NCKAP5: variants seen among roughly 807,000 people sequenced by gnomAD.
NCKAP5 encodes nck-associated protein 5.
In NCKAP5, 92 loss-of-function variants were observed where a neutral mutation model predicts 167.0. The ratio of observed to expected loss-of-function variants is 0.55; its 90% CI spans 0.47 to 0.66. NCKAP5 has a LOEUF of 0.66. Among genes scored for constraint, NCKAP5 ranks in the 30% least tolerant of loss-of-function variants. The pLI is 0.00. For synonymous variants in NCKAP5, 891 were observed against 877.4 expected (o/e 1.02, Z -0.27); for missense variants, 2,378 against 2,315.0 (o/e 1.03, Z -0.56).
In NCKAP5 at chr2:133,254,625, G is replaced by A. The variant is rs140142005; in HGVS notation, c.144-40846C>T. Among the ~76,000 whole-genome samples the A allele has an allele frequency of 6.3e-4, 96 of 152,208 alleles. No individual in the cohort carries two copies. The East Asian group carries it at 0.014, about 22-fold the overall frequency. ...CATCTGATCCTTTACTATGGGTTTC[G>A]TCCTTCACATACATAATCTAATTTA... On this transcript the variant is annotated intron_variant, in intron 4 of 19. Coordinates refer to ENST00000409261, the MANE Select transcript of NCKAP5 (RefSeq NM_207363.3).
At position 132,781,138 on chromosome 2, in the gene NCKAP5, G is replaced by C. The variant is rs2105016815; in HGVS notation, c.4963C>G (p.Leu1655Val). The change falls in exon 15 of 20, where the codon CTC becomes GTC. Residue 1655 changes from leucine to valine, a missense_variant. This residue lies in a region of NCKAP5 where 1,325 missense variants were observed against 1,274.5 expected (regional missense o/e 1.04). Coordinates refer to ENST00000409261, the MANE Select transcript of NCKAP5 (RefSeq NM_207363.3). ...VLKGSSQGSC[L>V]IGSSISTQGN... ...TGAGTACTGATAGAGCTGCCGATGA[G>C]ACAGGAGCCCTGAGAACTGCCCTTT... 1 of 1,613,948 alleles carries C rather than the reference G, an allele frequency of 6.2e-7. No individual in the cohort carries two copies. The highest frequency in any genetic ancestry group is 8.5e-7 in the Non-Finnish European group (1 of 1,179,882).
rs1347978815 is a variant in NCKAP5 at position 133,549,742 on chromosome 2, A to T, written c.-62+9308T>A. 3.1e-4 allele frequency among the ~76,000 whole-genome samples: 46 copies of T among 146,644 alleles called. No homozygotes were observed. In the East Asian group the frequency reaches 5.7e-3, roughly 18 times the overall value. Reference sequence around the variant, plus strand: ...CTAGCAGAAGGCAAGAAATAACTAAAATCAGAGCAGAACTGAAGGAAATAG... The same window carrying T: ...CTAGCAGAAGGCAAGAAATAACTAATATCAGAGCAGAACTGAAGGAAATAG... On this transcript the variant is annotated intron_variant, in intron 2 of 19. Coordinates refer to ENST00000409261, the MANE Select transcript of NCKAP5 (RefSeq NM_207363.3).
At chr2:133,506,590 T>C (rs1468753357) in intron 3 of NCKAP5, among the ~76,000 whole-genome samples, 1 of 152,178 alleles carries the variant, frequency 6.6e-6, no homozygotes, top group Non-Finnish European at 1.5e-5. Context: ...CGGTTGGCCA[T>C]ATCCCTCCAC....
chr2:132,782,966 G>A lies in NCKAP5; in HGVS notation c.3845C>T (p.Ser1282Leu). 1 of 1,614,002 alleles carries A rather than the reference G, an allele frequency of 6.2e-7. No homozygotes were observed. Among genetic ancestry groups the A allele is most frequent in the East Asian group, 2.2e-5 (1 of 44,868 alleles). Residue 1282 changes from serine to leucine, a missense_variant, in exon 14 of 20, where the codon TCA (serine) becomes TTA (leucine). Ser to Leu is a moderately radical substitution (Grantham distance 145). This residue lies in a region of NCKAP5 where 1,325 missense variants were observed against 1,274.5 expected (regional missense o/e 1.04). Coordinates refer to ENST00000409261, the MANE Select transcript of NCKAP5 (RefSeq NM_207363.3). ...KARSHSFSTH[S>L]GDKPSTPPIE... ...GGGGGGCGTAGAAGGCTTGTCTCCT[G>A]AGTGTGTACTGAAGCTGTGGCTGCG... is the stretch of plus-strand genomic sequence containing the variant.
intron 6 of NCKAP5, among the ~76,000 whole-genome samples, chr2:133,100,291 A>C (rs956469989): frequency 2.6e-5 from 4 of 152,216 alleles, no homozygotes; most frequent in African/African-American, 9.6e-5. Context: ...ACTGATTATT[A>C]ATCACCTGAT....
At chr2:132,931,494 A>G (rs1406964590) in intron 8 of NCKAP5, 1 of 152,164 alleles carries the variant, frequency 6.6e-6, no homozygotes, top group East Asian at 1.9e-4. Context: ...TTTAAATTTA[A>G]CCTGGGTGAA....
At chr2:132,708,925 G>A (rs964295321) in intron 19 of NCKAP5, among the ~76,000 whole-genome samples, 64 of 152,022 alleles carry the variant, frequency 4.2e-4, no homozygotes, top group African/African-American at 1.5e-3. Context: ...TAATTTTCAA[G>A]GAATGTTAAT....
the NCKAP5 span, among the ~76,000 whole-genome samples, chr2:133,659,635 C>CG: frequency 6.6e-6 from 1 of 152,018 alleles, no homozygotes; most frequent in Admixed American, 6.6e-5. Context: ...TACTGGGATT[C>CG]GGGGGAGAAT....
rs2076583412 is a variant in NCKAP5 at position 132,963,702 on chromosome 2, A to T, written c.579+18T>A. The T allele has an allele frequency of 7.5e-6, 12 of 1,610,186 alleles. No homozygotes were observed. Among genetic ancestry groups the T allele is most frequent in the Non-Finnish European group, 8.5e-6 (10 of 1,178,808 alleles). On this transcript the variant is annotated intron_variant, in intron 8 of 19. Transcript: ENST00000409261. ...TGTTATTTTTCTTGAAGAGTGTAAAAATTGCTTCATTTCTTACCTCTAGAG... is the reference window on the plus strand; with the variant it reads ...TGTTATTTTTCTTGAAGAGTGTAAATATTGCTTCATTTCTTACCTCTAGAG...
chr2:133,278,434 C>T (rs2089816279), intron 4 of NCKAP5, among the ~76,000 whole-genome samples: 1 of 152,198 alleles, frequency 6.6e-6, no homozygotes, highest in East Asian at 1.9e-4. Flanking sequence ...TGTCTCTTAC[C>T]CTTTTCTGTA....
chr2:133,324,265 T>C (rs766086140), intron 3 of NCKAP5, among the ~76,000 whole-genome samples: 2 of 152,224 alleles, frequency 1.3e-5, no homozygotes, highest in African/African-American at 2.4e-5. Flanking sequence ...ACACCCCACA[T>C]TGAGAGGGCA....
intron 6 of NCKAP5, among the ~76,000 whole-genome samples, chr2:133,031,114 A>G (rs2078865263): frequency 6.6e-6 from 1 of 152,170 alleles, no homozygotes; most frequent in Admixed American, 6.5e-5. Flanking sequence ...ATACAGAAAA[A>G]AAAAACACCT....
At chr2:133,545,693 C>A (rs1469711503) in intron 2 of NCKAP5, among the ~76,000 whole-genome samples, 1 of 151,996 alleles carries the variant, frequency 6.6e-6, no homozygotes, top group African/African-American at 2.4e-5. Flanking sequence ...GCCTAAGAAA[C>A]AAAATTGAAA....
chr2:133,429,446 C>T (rs967459758), intron 3 of NCKAP5, among the ~76,000 whole-genome samples: 2 of 151,988 alleles, frequency 1.3e-5, no homozygotes, highest in Non-Finnish European at 2.9e-5. Context: ...TACAGTCCTT[C>T]CCCCTCTTCA....
intron 4 of NCKAP5, among the ~76,000 whole-genome samples, chr2:133,294,290 C>T (rs544582539): frequency 3.9e-5 from 6 of 152,252 alleles, no homozygotes; most frequent in South Asian, 2.1e-4. Context: ...GTTTAATACT[C>T]GGCGTCCCCT....
Position 132,673,334 on chromosome 2 carries a change from A to G in NCKAP5, c.5714-29T>C, listed in dbSNP as rs1319956464. On this transcript the variant is annotated intron_variant, in intron 19 of 19. Coordinates refer to ENST00000409261, the MANE Select transcript of NCKAP5 (RefSeq NM_207363.3). ...CAATAAAAAGAAGAAAATATTAGAA[A>G]CATATTTCTTTGGAAAATCAAGTTA... 1.2e-5 allele frequency: 17 copies of G among 1,400,760 alleles called. No individual in the cohort carries two copies. In the South Asian group the frequency reaches 2.1e-4, roughly 18 times the overall value. The allele number at this position is 1,400,760 out of a possible 1,614,324, so 86.8% of individuals were successfully genotyped here.
chr2:133,528,662 T>G (rs573182526), intron 2 of NCKAP5, among the ~76,000 whole-genome samples: 28 of 152,360 alleles, frequency 1.8e-4, no homozygotes, highest in African/African-American at 6.3e-4. Flanking sequence ...GTTCTTATGA[T>G]GACTTAGTTC....
chr2:133,159,194 G>C (rs1170027507), intron 5 of NCKAP5, among the ~76,000 whole-genome samples: 1 of 152,096 alleles, frequency 6.6e-6, no homozygotes, highest in Non-Finnish European at 1.5e-5. Flanking sequence ...CTGGCTCTGA[G>C]ATATAGGCCC....
At chr2:132,988,027 T>C (rs1425709414) in intron 7 of NCKAP5, among the ~76,000 whole-genome samples, 3 of 152,174 alleles carry the variant, frequency 2.0e-5, no homozygotes, top group Admixed American at 2.0e-4. Flanking sequence ...AAGTGTTAGA[T>C]AGTATTAATT....
Sources: gnomAD v4.1 joint callset for allele counts (sites outside exome capture counted in the v4.1 genomes callset) on GRCh38, gnomAD v4.1.1 for gene constraint, gnomAD v4.1.1 regional missense constraint, MANE v1.5 for transcripts, NCBI Gene and HGNC (gene_info 2026-07-23, HGNC 2026-07-21) for gene names.